Variants in IMMP2L observed in about 807,000 individuals in gnomAD.
IMMP2L encodes mitochondrial inner membrane protease subunit 2.
Under a neutral mutation model 19.3 loss-of-function variants are expected in IMMP2L, and 18 were observed. That is an observed-to-expected ratio of 0.93 (90% CI 0.64 to 1.38). The LOEUF is 1.38. IMMP2L is among the 40% of genes most tolerant of loss of function. IMMP2L has a pLI of 0.00. For synonymous variants in IMMP2L, 76 were observed against 73.0 expected, an observed-to-expected ratio of 1.04 and a Z score of -0.21; for missense variants, 233 against 218.2, an observed-to-expected ratio of 1.07 and a Z score of -0.43.
chr7:110,832,407 C>T (rs980327347), intron 5 of IMMP2L, among the ~76,000 whole-genome samples: 4 of 152,178 alleles, frequency 2.6e-5, no homozygotes, highest in Non-Finnish European at 4.4e-5. Context: ...AAGTTCAGGA[C>T]GTCCCAGTAT....
chr7:110,893,351 TA>T (rs1811000276), intron 4 of IMMP2L, among the ~76,000 whole-genome samples: 2 of 152,116 alleles, frequency 1.3e-5, no homozygotes, highest in Admixed American at 1.3e-4. Flanking sequence ...GGAAGCACAA[TA>T]AAACAAGGTA....
At chr7:111,114,908 C>T (rs1293554961) in intron 3 of IMMP2L, among the ~76,000 whole-genome samples, 3 of 152,066 alleles carry the variant, frequency 2.0e-5, no homozygotes, top group Non-Finnish European at 4.4e-5. Context: ...CCCGGGTCTG[C>T]ATACTTACAC....
intron 3 of IMMP2L, among the ~76,000 whole-genome samples, chr7:111,374,753 T>C (rs563395201): frequency 6.6e-6 from 1 of 152,236 alleles, no homozygotes; most frequent in South Asian, 2.1e-4. Context: ...CTCTCCTAGC[T>C]TGGCAACCCA....
chr7:111,459,529 T>C (rs553045981), intron 3 of IMMP2L, among the ~76,000 whole-genome samples: 10 of 152,122 alleles, frequency 6.6e-5, no homozygotes, highest in Admixed American at 3.9e-4. Flanking sequence ...ATATCTTTAT[T>C]ATATCATTAT....
intron 5 of IMMP2L, among the ~76,000 whole-genome samples, chr7:110,686,500 G>C (rs1183428793): frequency 6.6e-6 from 1 of 151,878 alleles, no homozygotes; most frequent in Non-Finnish European, 1.5e-5. Flanking sequence ...AATCCCAACA[G>C]GGTATCCCCC....
intron 3 of IMMP2L, among the ~76,000 whole-genome samples, chr7:111,204,558 T>C (rs113572721): frequency 2.6e-5 from 4 of 152,240 alleles, no homozygotes; most frequent in African/African-American, 9.6e-5. Context: ...CCAGCTCTCT[T>C]TTCCCATAAA....
intron 2 of IMMP2L, among the ~76,000 whole-genome samples, chr7:111,519,518 T>A (rs1319158887): frequency 6.6e-6 from 1 of 152,166 alleles, no homozygotes; most frequent in Non-Finnish European, 1.5e-5. Flanking sequence ...CAAATATATC[T>A]AATGCAAACC....
At chr7:110,752,586 G>C (rs1454035254) in intron 5 of IMMP2L, among the ~76,000 whole-genome samples, 1 of 151,904 alleles carries the variant, frequency 6.6e-6, no homozygotes, top group Non-Finnish European at 1.5e-5. Context: ...GGATTCTCTG[G>C]CCCTCCATTA....
intron 4 of IMMP2L, among the ~76,000 whole-genome samples, chr7:110,958,897 G>A (rs891720938): frequency 2.0e-5 from 3 of 152,028 alleles, no homozygotes; most frequent in Admixed American, 6.6e-5. Context: ...GAGAATGCAA[G>A]TGACAGAAAA....
intron 5 of IMMP2L, among the ~76,000 whole-genome samples, chr7:110,886,276 C>T (rs534618006): frequency 1.3e-4 from 19 of 151,950 alleles, no homozygotes; most frequent in Admixed American, 4.6e-4. Context: ...AAAATATAAG[C>T]TACAAAGTAT....
intron 3 of IMMP2L, among the ~76,000 whole-genome samples, chr7:111,395,600 ATCTT>A (rs1832785137): frequency 6.6e-6 from 1 of 152,150 alleles, no homozygotes; most frequent in African/African-American, 2.4e-5. Flanking sequence ...TACATATGTA[ATCTT>A]TCTTTATTCT....
chr7:110,731,230 T>C (rs767200235), intron 5 of IMMP2L, among the ~76,000 whole-genome samples: 2 of 152,202 alleles, frequency 1.3e-5, no homozygotes, highest in Non-Finnish European at 2.9e-5. Flanking sequence ...TAGAGAAACC[T>C]ATAAAATGTT....
At chr7:110,666,958 G>A (rs113467141) in intron 5 of IMMP2L, among the ~76,000 whole-genome samples, 6 of 152,048 alleles carry the variant, frequency 3.9e-5, no homozygotes, top group South Asian at 2.1e-4. Flanking sequence ...TGCAAGGTCC[G>A]CCTCCCAGGT....
intron 4 of IMMP2L, among the ~76,000 whole-genome samples, chr7:110,893,610 T>C (rs1168670133): frequency 6.6e-6 from 1 of 152,200 alleles, no homozygotes; most frequent in Admixed American, 6.6e-5. Context: ...AGGGGGTACA[T>C]GTGCAGGTTT....
intron 3 of IMMP2L, among the ~76,000 whole-genome samples, chr7:111,051,939 G>C (rs1195954870): frequency 1.3e-5 from 2 of 152,160 alleles, no homozygotes; most frequent in Non-Finnish European, 2.9e-5. Context: ...ATGTAGCTTA[G>C]GCCTTGACAG....
chr7:110,716,165 T>G (rs1795222890), intron 5 of IMMP2L, among the ~76,000 whole-genome samples: 1 of 151,796 alleles, frequency 6.6e-6, no homozygotes, highest in African/African-American at 2.4e-5. Context: ...CTGTCTGTCG[T>G]GCAAATGGAA....
intron 3 of IMMP2L, among the ~76,000 whole-genome samples, chr7:111,197,712 C>G (rs1441388905): frequency 6.6e-6 from 1 of 152,090 alleles, no homozygotes; most frequent in Non-Finnish European, 1.5e-5. Context: ...CTATACAATG[C>G]GATAGCTTTC....
At chr7:111,530,683 T>G (rs537934902) in intron 1 of IMMP2L, among the ~76,000 whole-genome samples, 1 of 151,764 alleles carries the variant, frequency 6.6e-6, no homozygotes, top group Non-Finnish European at 1.5e-5. Flanking sequence ...AAATTCATGA[T>G]GAGAAAGGCT....
chr7:110,913,206 C>T (rs1813243022), intron 4 of IMMP2L, among the ~76,000 whole-genome samples: 3 of 152,136 alleles, frequency 2.0e-5, no homozygotes, highest in Non-Finnish European at 4.4e-5. Flanking sequence ...AGACTAATAA[C>T]CACTGGGTAC....
Sources: allele counts gnomAD v4.1 joint callset (sites outside exome capture counted in the v4.1 genomes callset), GRCh38; gene constraint gnomAD v4.1.1; transcripts MANE v1.5; gene names NCBI Gene and HGNC (gene_info 2026-07-23, HGNC 2026-07-21).